SAMSN1: variants seen among roughly 807,000 people sequenced by gnomAD.
SAMSN1 encodes SAM domain-containing protein SAMSN-1.
Under a neutral mutation model 42.0 loss-of-function variants are expected in SAMSN1, and 31 were observed. That is an observed-to-expected ratio of 0.74 (90% CI 0.55 to 1.00). The LOEUF is 1.00. Ranked by LOEUF, SAMSN1 falls within the 50% of genes least tolerant of loss-of-function variation. The pLI is 0.00. For missense variants in SAMSN1, 464 were observed against 439.4 expected (o/e 1.06, Z -0.50); for synonymous variants, 178 against 151.9 (o/e 1.17, Z -1.26).
At chr21:14,530,822 C>A (rs2123089054) in intron 1 of SAMSN1, among the ~76,000 whole-genome samples, 1 of 152,238 alleles carries the variant, frequency 6.6e-6, no homozygotes, top group South Asian at 2.1e-4. Flanking sequence ...TTTCCCTGAG[C>A]AAATTTTGCA....
chr21:14,519,037 T>G (rs1178057516), intron 2 of SAMSN1, among the ~76,000 whole-genome samples: 1 of 152,208 alleles, frequency 6.6e-6, no homozygotes, highest in Non-Finnish European at 1.5e-5. Context: ...AAAGAAATTA[T>G]GTTTATGTCT....
At chr21:14,523,265 C>T (rs1408540232) in intron 1 of SAMSN1, 1 of 152,164 alleles carries the variant, frequency 6.6e-6, no homozygotes, top group Non-Finnish European at 1.5e-5. Flanking sequence ...ATAAAAAGAT[C>T]CTGACCTCTG....
intron 1 of SAMSN1, among the ~76,000 whole-genome samples, chr21:14,647,910 T>C (rs924359993): frequency 1.3e-5 from 2 of 151,762 alleles, no homozygotes; most frequent in Non-Finnish European, 2.9e-5. Context: ...GTTTTCTAGA[T>C]ATACAATCAT....
intron 2 of SAMSN1, among the ~76,000 whole-genome samples, chr21:14,622,016 T>G (rs188985743): frequency 0.01 from 1,546 of 152,280 alleles, 21 homozygotes; most frequent in African/African-American, 0.036. Flanking sequence ...GCAAACAGGG[T>G]CTGGAGTGGA....
rs746815653 is a variant in SAMSN1 at position 14,510,371 on chromosome 21, C to T, written c.500G>A (p.Arg167His). The change falls in exon 5 of 8, where the codon CGT (arginine) becomes CAT (histidine). Residue 167 changes from arginine (R) to histidine (H), a missense_variant. Arg to His is a conservative substitution (Grantham distance 29, BLOSUM62 0). Transcript: ENST00000400566. ...DGPYSGPFCG[R>H]ARVHTDFTPS... ...CGTGAAATCCGTATGCACTCTGGCA[C>T]GGCCACAGAATGGTCCTGAATAGGG... 2.2e-5 allele frequency: 36 copies of T among 1,614,022 alleles called. No individual in the cohort carries two copies. Among genetic ancestry groups the T allele is most frequent in the Admixed American group, 1.7e-4 (10 of 60,006 alleles).
At chr21:14,634,710 T>C (rs1049818963) in intron 2 of SAMSN1, among the ~76,000 whole-genome samples, 12 of 152,168 alleles carry the variant, frequency 7.9e-5, no homozygotes, top group Admixed American at 2.6e-4. Flanking sequence ...TTTTACACTG[T>C]TAGTGGGAAT....
rs190183535 is a variant in SAMSN1 at position 14,544,005 on chromosome 21, C to T, written c.57+2200G>A. On this transcript the variant is annotated intron_variant, in intron 1 of 7. Transcript: ENST00000400566. ...AATGAAAGGATTTGCACTCCTTTTT[C>T]TATGAGCCTTTTATTTGTAGGGATT... is the stretch of plus-strand genomic sequence containing the variant. Among the ~76,000 whole-genome samples, 25 of 152,250 alleles carry T rather than the reference C, an allele frequency of 1.6e-4. No homozygotes were observed. In the East Asian group the frequency reaches 4.6e-3, roughly 28 times the overall value.
intron 7 of SAMSN1, among the ~76,000 whole-genome samples, chr21:14,491,729 TTAAA>T (rs1335837474): frequency 6.6e-6 from 1 of 152,232 alleles, no homozygotes; most frequent in Non-Finnish European, 1.5e-5. Context: ...GAATTTTGTG[TTAAA>T]TAAATTTGTG....
chr21:14,518,207 C>T (rs1988003303), intron 2 of SAMSN1, among the ~76,000 whole-genome samples: 1 of 151,726 alleles, frequency 6.6e-6, no homozygotes, highest in Non-Finnish European at 1.5e-5. Context: ...GATTGATCAC[C>T]CTCCACACTT....
intron 2 of SAMSN1, among the ~76,000 whole-genome samples, chr21:14,624,379 G>A (rs905508148): frequency 1.3e-5 from 2 of 152,078 alleles, no homozygotes; most frequent in African/African-American, 4.8e-5. Flanking sequence ...TAGACTGGTA[G>A]CAAGACTAAT....
chr21:14,635,959 C>G (rs548871965), intron 2 of SAMSN1, among the ~76,000 whole-genome samples: 2 of 152,104 alleles, frequency 1.3e-5, no homozygotes, highest in Non-Finnish European at 2.9e-5. Context: ...ATCCCTCCCC[C>G]AGTCCCCCAC....
upstream of SAMSN1, among the ~76,000 whole-genome samples, chr21:14,549,651 A>G (rs1980535284): frequency 1.3e-5 from 2 of 152,164 alleles, no homozygotes; most frequent in African/African-American, 2.4e-5. Flanking sequence ...TCATCACAGA[A>G]CCCAACTCTG....
chr21:14,607,668 A>G (rs539409488), intron 5 of SAMSN1, among the ~76,000 whole-genome samples: 15 of 152,336 alleles, frequency 9.8e-5, no homozygotes, highest in African/African-American at 3.6e-4. Flanking sequence ...AACTCATCTA[A>G]GGTCAGGATT....
intron 5 of SAMSN1, among the ~76,000 whole-genome samples, chr21:14,508,441 A>G (rs1485580303): frequency 6.6e-6 from 1 of 152,260 alleles, no homozygotes; most frequent in Admixed American, 6.5e-5. Context: ...AATGGCCAAC[A>G]AACACATGAA....
chr21:14,641,691 A>G (rs1034528155), intron 2 of SAMSN1, among the ~76,000 whole-genome samples: 7 of 152,194 alleles, frequency 4.6e-5, no homozygotes, highest in African/African-American at 1.7e-4. Context: ...AGGAAGTGGC[A>G]TCTAAATCTG....
intron 7 of SAMSN1, chr21:14,591,567 C>T (rs571278580): frequency 1.3e-5 from 2 of 152,206 alleles, no homozygotes; most frequent in South Asian, 4.2e-4. Context: ...GCCAAAAATA[C>T]ATCTGGAGGA....
At chr21:14,488,737 G>C (rs143789172) in intron 7 of SAMSN1, among the ~76,000 whole-genome samples, 2 of 152,184 alleles carry the variant, frequency 1.3e-5, no homozygotes, top group East Asian at 3.9e-4. Flanking sequence ...AAAGAAAATA[G>C]TTTCTGAGTA....
chr21:14,603,746 C>T (rs923100224), intron 5 of SAMSN1, among the ~76,000 whole-genome samples: 1 of 152,080 alleles, frequency 6.6e-6, no homozygotes, highest in African/African-American at 2.4e-5. Context: ...TAAATATCTA[C>T]AGGAATCAAA....
At chr21:14,634,841 C>CA (rs759550969) in intron 2 of SAMSN1, among the ~76,000 whole-genome samples, 38 of 152,252 alleles carry the variant, frequency 2.5e-4, no homozygotes, top group Non-Finnish European at 4.3e-4. Context: ...GGTATATACC[C>CA]AAAGGAATAT....
Sources: allele counts gnomAD v4.1 joint callset (sites outside exome capture counted in the v4.1 genomes callset), GRCh38; gene constraint gnomAD v4.1.1; transcripts MANE v1.5; gene names NCBI Gene and HGNC (gene_info 2026-07-23, HGNC 2026-07-21).